Variants in NFIB observed in about 807,000 individuals in gnomAD.
The protein encoded by NFIB is nuclear factor I B.
Under a neutral mutation model 61.5 loss-of-function variants are expected in NFIB, and 11 were observed. The observed-to-expected ratio is 0.18, with a 90% CI of 0.11 to 0.30. The LOEUF is 0.30. Ranked by LOEUF, NFIB falls within the 10% of genes least tolerant of loss-of-function variation. The probability of loss-of-function intolerance (pLI) is 1.00; values close to 1 mark genes in which losing one functional copy is unlikely to be tolerated. For missense variants in NFIB, 471 were observed against 608.9 expected, an observed-to-expected ratio of 0.77 and a Z score of 2.38; for synonymous variants, 260 against 216.5, an observed-to-expected ratio of 1.20 and a Z score of -1.76.
chr9:14,162,413 T>G (rs2044307237), intron 3 of NFIB, among the ~76,000 whole-genome samples: 1 of 152,118 alleles, frequency 6.6e-6, no homozygotes, highest in South Asian at 2.1e-4. Context: ...TGTTATATAT[T>G]ACTGAATTCG....
At chr9:14,305,975 C>T in intron 2 of NFIB, 2 of 1,353,338 alleles carry the variant, frequency 1.5e-6, no homozygotes, top group South Asian at 1.9e-5. Flanking sequence ...AATGCAAGGA[C>T]ATCTATATCT....
chr9:14,486,734 AGT>A, the NFIB span, among the ~76,000 whole-genome samples: 1 of 152,098 alleles, frequency 6.6e-6, no homozygotes, highest in Non-Finnish European at 1.5e-5. Flanking sequence ...CAGAGAGTTA[AGT>A]GTGTATAAGA....
At chr9:14,353,190 C>CAG (rs560808528) in intron 1 of NFIB, among the ~76,000 whole-genome samples, 333 of 152,158 alleles carry the variant, frequency 2.2e-3, no homozygotes, top group Middle Eastern at 3.4e-3. Context: ...TAGGGGCAGA[C>CAG]AGAGGGTGGT....
At chr9:14,345,595 C>T (rs192592575) in intron 1 of NFIB, among the ~76,000 whole-genome samples, 2 of 152,288 alleles carry the variant, frequency 1.3e-5, no homozygotes, top group East Asian at 1.9e-4. Flanking sequence ...AAATCAGAGC[C>T]GTGCTTCTGC....
intron 3 of NFIB, among the ~76,000 whole-genome samples, chr9:14,174,725 C>G (rs900623973): frequency 5.4e-5 from 8 of 149,530 alleles, no homozygotes; most frequent in Non-Finnish European, 7.4e-5. Flanking sequence ...CGAGATCACG[C>G]CACTGCACTC....
At chr9:14,180,841 T>G (rs2046685837) in intron 2 of NFIB, 1 of 152,192 alleles carries the variant, frequency 6.6e-6, no homozygotes, top group African/African-American at 2.4e-5. Flanking sequence ...AATGGATGGC[T>G]CAGCTCCAGC....
the NFIB span, among the ~76,000 whole-genome samples, chr9:14,439,710 G>A: frequency 6.6e-6 from 1 of 152,130 alleles, no homozygotes; most frequent in Non-Finnish European, 1.5e-5. Context: ...GGGGTGAGTT[G>A]GACACCAGAT....
chr9:14,500,660 A>C, the NFIB span, among the ~76,000 whole-genome samples: 1 of 152,184 alleles, frequency 6.6e-6, no homozygotes, highest in Non-Finnish European at 1.5e-5. Flanking sequence ...AACAAACAAA[A>C]AATCCAACTC....
In NFIB at chr9:14,251,739, G is replaced by A. The variant is rs546858300; in HGVS notation, c.562+55250C>T. Among the ~76,000 whole-genome samples the A allele has an allele frequency of 2.0e-4, 30 of 152,276 alleles. No individual in the cohort carries two copies. The South Asian group carries it at 5.0e-3, about 25-fold the overall frequency. On this transcript the variant is annotated intron_variant, in intron 2 of 10. Transcript: ENST00000380953. ...AGTTCCAGCCACCCAAATCCTGCACGGGCATCCTGCACACCGCAGTCTGCT... is the reference window on the plus strand; with the variant it reads ...AGTTCCAGCCACCCAAATCCTGCACAGGCATCCTGCACACCGCAGTCTGCT...
At chr9:14,462,862 AG>A in the NFIB span, among the ~76,000 whole-genome samples, 7 of 152,350 alleles carry the variant, frequency 4.6e-5, no homozygotes, top group Non-Finnish European at 8.8e-5. Context: ...TTATGCTGTT[AG>A]TTATTAACAT....
the NFIB span, among the ~76,000 whole-genome samples, chr9:14,469,751 T>C: frequency 2.0e-5 from 3 of 152,190 alleles, no homozygotes; most frequent in Non-Finnish European, 2.9e-5. Context: ...AGTCCTCTCC[T>C]ATATACTTGT....
At chr9:14,282,939 G>A (rs1255298307) in intron 2 of NFIB, among the ~76,000 whole-genome samples, 1 of 152,176 alleles carries the variant, frequency 6.6e-6, no homozygotes, top group Non-Finnish European at 1.5e-5. Context: ...TAAGTTAGTT[G>A]TGAGAATTAA....
intron 10 of NFIB, among the ~76,000 whole-genome samples, chr9:14,102,704 A>C (rs1383472371): frequency 6.6e-6 from 1 of 152,180 alleles, no homozygotes; most frequent in Non-Finnish European, 1.5e-5. Context: ...TTTTAGAAAA[A>C]GCTATTGCAA....
At chr9:14,095,633 C>T (rs1194925208) in intron 10 of NFIB, among the ~76,000 whole-genome samples, 1 of 151,996 alleles carries the variant, frequency 6.6e-6, no homozygotes, top group Non-Finnish European at 1.5e-5. Context: ...CCAAGGCATA[C>T]TAAATCAAAT....
intron 2 of NFIB, among the ~76,000 whole-genome samples, chr9:14,297,455 A>G (rs564017175): frequency 6.6e-6 from 1 of 152,246 alleles, no homozygotes; most frequent in African/African-American, 2.4e-5. Flanking sequence ...TCTGAAAAGC[A>G]TTTAAATTCC....
At chr9:14,262,692 A>T (rs1004140561) in intron 2 of NFIB, among the ~76,000 whole-genome samples, 3 of 152,166 alleles carry the variant, frequency 2.0e-5, no homozygotes, top group Non-Finnish European at 4.4e-5. Context: ...GACAATCCTA[A>T]CTTACTAGAG....
chr9:14,355,523 C>T (rs1163948131), intron 1 of NFIB, among the ~76,000 whole-genome samples: 1 of 152,218 alleles, frequency 6.6e-6, no homozygotes. Context: ...TTTGGAGATG[C>T]AGACCCAGGG....
chr9:14,200,633 T>G (rs1444126489), intron 2 of NFIB, among the ~76,000 whole-genome samples: 1 of 152,080 alleles, frequency 6.6e-6, no homozygotes, highest in African/African-American at 2.4e-5. Flanking sequence ...AGGGCACCAC[T>G]CCTTTCTTAG....
chr9:14,130,924 G>T lies in NFIB; in HGVS notation c.926-5158C>A, dbSNP rs73411905. On this transcript the variant is annotated intron_variant, in intron 6 of 10. Coordinates refer to ENST00000380953, the MANE Select transcript of NFIB (RefSeq NM_001190737.2). The stretch of plus-strand genomic sequence containing the variant: ...AAGAAAATCAATCACTGAGATTCTA[G>T]TAAGTGTGAGGAACTATGGCTATGC... Among the ~76,000 whole-genome samples, 497 of 152,282 alleles carry T rather than the reference G, an allele frequency of 3.3e-3. 5 individuals are homozygous for T. Among genetic ancestry groups the T allele is most frequent in the African/African-American group, 0.011 (467 of 41,558 alleles).
Sources: gnomAD v4.1 joint callset for allele counts (sites outside exome capture counted in the v4.1 genomes callset) on GRCh38, gnomAD v4.1.1 for gene constraint, MANE v1.5 for transcripts, NCBI Gene and HGNC (gene_info 2026-07-23, HGNC 2026-07-21) for gene names.